The following BAG6 variants were observed in gnomAD, a reference collection of about 807,000 sequenced individuals.
The protein encoded by BAG6 is BAG cochaperone 6.
Under a neutral mutation model 121.0 loss-of-function variants are expected in BAG6, and 22 were observed. That is an observed-to-expected ratio of 0.18 (90% CI 0.13 to 0.26). The LOEUF is 0.26. Among genes scored for constraint, BAG6 ranks in the 10% least tolerant of loss-of-function variants. BAG6 has a pLI of 1.00. For synonymous variants in BAG6, 583 were observed against 584.6 expected (o/e 1.00, Z 0.04); for missense variants, 1,233 against 1,537.7 (o/e 0.80, Z 3.31).
chr6:31,646,493 C>G lies in BAG6; in HGVS notation c.819G>C (p.Val273=). 2 of 1,612,862 alleles carry G rather than the reference C, an allele frequency of 1.2e-6. No individual in the cohort carries two copies. The highest frequency in any genetic ancestry group is 1.7e-6 in the Non-Finnish European group (2 of 1,179,990). Residue 273 remains valine, a synonymous_variant, in exon 8 of 26, where the codon GTG becomes GTC. Coordinates refer to ENST00000676615, the MANE Select transcript of BAG6 (RefSeq NM_001387994.1). ...NHPSPAEYVE[V]LQELQRLESR... is the part of the protein sequence containing the mutation. ...TCTCCAGCCGCTGTAGCTCCTGGAG[C>G]ACCTCGACATACTCCGCAGGGGAAG...
chr6:31,642,362 GGGTGGAGGAGGTGGGGGT>G lies in BAG6; in HGVS notation c.2067_2084del (p.Pro693_Pro698del). 12 of 1,397,700 alleles carry G rather than the reference GGGTGGAGGAGGTGGGGGT, an allele frequency of 8.6e-6. No homozygotes were observed. Among genetic ancestry groups the G allele is most frequent in the African/African-American group, 1.4e-5 (1 of 69,668 alleles). The allele number at this position is 1,397,700 out of a possible 1,614,324, so 86.6% of individuals were successfully genotyped here. ...TCTGCTGCTCTGGGGCAGGTGGTGGGGGTGGAGGAGGTGGGGGTGGTGGAGGGGCTGTCTGTGTTGCCT... is the reference window on the plus strand; with the variant it reads ...TCTGCTGCTCTGGGGCAGGTGGTGGGGGTGGAGGGGCTGTCTGTGTTGCCT... On this transcript the variant is annotated inframe_deletion, in exon 16 of 26. Transcript: ENST00000676615.
At chr6:31,646,296 GT>G in intron 8 of BAG6, 97 bp downstream of exon 8, 1 of 1,514,018 alleles carries the variant, frequency 6.6e-7, no homozygotes. Context: ...CTGTTGCAAT[GT>G]TTTTCCAGGG....
chr6:31,639,249 T>G, intron 25 of BAG6, 23 bp from the exon 26 acceptor site: 1 of 1,602,724 alleles, frequency 6.2e-7, no homozygotes, highest in East Asian at 2.2e-5. Flanking sequence ...AGTAAGCAGG[T>G]TGGAGAAACG....
chr6:31,645,889 G>A lies in BAG6; in HGVS notation c.919-285C>T, dbSNP rs187604707. The stretch of plus-strand genomic sequence containing the variant: ...AGGGGCACAAGGGGTACGATACGAG[G>A]ACAGTGCTTACAGCAAAGATTATCA... On this transcript the variant is annotated intron_variant, in intron 8 of 25. Transcript: ENST00000676615. 2.6e-5 allele frequency among the ~76,000 whole-genome samples: 4 copies of A among 152,380 alleles called. No individual in the cohort carries two copies. In the East Asian group the frequency reaches 7.7e-4, roughly 29 times the overall value.
At position 31,647,631 on chromosome 6, in the gene BAG6, G is replaced by C. The variant is rs759950655; in HGVS notation, c.748C>G (p.Pro250Ala). The C allele has an allele frequency of 6.2e-7, 1 of 1,606,622 alleles. No individual in the cohort carries two copies. Among genetic ancestry groups the C allele is most frequent in the Non-Finnish European group, 8.5e-7 (1 of 1,177,594 alleles). Reference protein sequence around the residue: ...QNPELTPGPAPAGPTPAPETN... With the variant: ...QNPELTPGPAAAGPTPAPETN... ...TCCGGGGCAGGTGTTGGGCCCGCTG[G>C]GGCTGGGCCAGGAGTGAGCTCCGGG... The change falls in exon 7 of 26, where the codon CCA (proline) becomes GCA (alanine). Residue 250 changes from proline to alanine, a missense_variant. By Grantham distance (27) the Pro-to-Ala change is conservative. Around this residue, in one of 7 missense-constraint regions of BAG6, gnomAD observed 777 missense variants for 861.4 expected, o/e 0.90. Coordinates refer to ENST00000676615, the MANE Select transcript of BAG6 (RefSeq NM_001387994.1).
chr6:31,650,144 C>T lies in BAG6; in HGVS notation c.109-517G>A, dbSNP rs143665483. Among the ~76,000 whole-genome samples the T allele has an allele frequency of 3.2e-3, 479 of 151,788 alleles. 2 individuals carry two copies. The highest frequency in any genetic ancestry group is 9.7e-3 in the African/African-American group (400 of 41,388). On this transcript the variant is annotated intron_variant, in intron 2 of 25. Coordinates refer to ENST00000676615, the MANE Select transcript of BAG6 (RefSeq NM_001387994.1). ...ACTTAATGAAGCTCAGGTTATAGAT[C>T]CAGGAAAAATAACACGGATGAAAAA...
chr6:31,642,759 CAAG>C, intron 15 of BAG6, 67 bp downstream of exon 15: 1 of 1,561,626 alleles, frequency 6.4e-7, no homozygotes, highest in Admixed American at 1.7e-5. Context: ...TATATAATGG[CAAG>C]AAGGTACCAC....
chr6:31,641,513 G>T lies in BAG6; in HGVS notation c.2559+26C>A, dbSNP rs748160951. The T allele has an allele frequency of 6.3e-5, 101 of 1,613,976 alleles. No homozygotes were observed. The highest frequency in any genetic ancestry group is 8.2e-5 in the Non-Finnish European group (97 of 1,179,988). ...GCTGCCTTGACCAGACCCAGGAGAG[G>T]AAAGGAATAGAGAAGGGTTACTCAC... On this transcript the variant is annotated intron_variant, in intron 18 of 25. Coordinates refer to ENST00000676615, the MANE Select transcript of BAG6 (RefSeq NM_001387994.1). The surrounding 1 kb of genome is among the most constrained non-coding windows in gnomAD (Gnocchi z 5.7).
chr6:31,651,810 T>G (rs748300122), intron 1 of BAG6, 34 bp from the exon 2 acceptor site: 21 of 1,549,702 alleles, frequency 1.4e-5, no homozygotes, highest in Non-Finnish European at 1.8e-5. Context: ...GGCCCGCTGT[T>G]GCCCAGACCA....
chr6:31,652,359 A>ACACACC (rs752778693), intron 1 of BAG6, 65 bp downstream of exon 1: 53 of 137,104 alleles, frequency 3.9e-4, no homozygotes, highest in African/African-American at 6.5e-4. Flanking sequence ...ACACACACAC[A>ACACACC]CCCACCACCC....
At chr6:31,647,962 C>T (rs1290101344) in intron 6 of BAG6, 136 bp from the exon 7 acceptor site, 10 of 1,190,768 alleles carry the variant, frequency 8.4e-6, no homozygotes, top group South Asian at 2.3e-5. Flanking sequence ...ATCTCCGACT[C>T]GCTAGCAACT....
At chr6:31,649,756 G>T in intron 2 of BAG6, 129 bp from the exon 3 acceptor site, 1 of 774,342 alleles carries the variant, frequency 1.3e-6, no homozygotes, top group Non-Finnish European at 2.2e-6. Flanking sequence ...TCTTGACCGT[G>T]AGATCATTAC....
rs964129021 is a variant in BAG6 at position 31,649,126 on chromosome 6, T to C, written c.423+73A>G. 6 of 1,574,594 alleles carry C rather than the reference T, an allele frequency of 3.8e-6. No homozygotes were observed. In the Admixed American group the frequency reaches 5.1e-5, roughly 13 times the overall value. ...CCCAATCTAAAGATGGAAGCATCTATCTTATTAATTCCCTGGTGCTACCAC... is the reference window on the plus strand; with the variant it reads ...CCCAATCTAAAGATGGAAGCATCTACCTTATTAATTCCCTGGTGCTACCAC... On this transcript the variant is annotated intron_variant, in intron 4 of 25. Coordinates refer to ENST00000676615, the MANE Select transcript of BAG6 (RefSeq NM_001387994.1).
Position 31,644,670 on chromosome 6 carries a change from G to T in BAG6, c.1370-68C>A, listed in dbSNP as rs765278071. 6.7e-6 allele frequency: 10 copies of T among 1,503,650 alleles called. No individual in the cohort carries two copies. The South Asian group carries it at 8.0e-5, about 12-fold the overall frequency. The allele number at this position is 1,503,650 out of a possible 1,614,324, so 93.1% of individuals were successfully genotyped here. On this transcript the variant is annotated intron_variant, in intron 10 of 25. Transcript: ENST00000676615. This position sits in a 1 kb window ranked among gnomAD's most constrained non-coding sequence, Gnocchi z 4.9. Reference sequence around the variant, plus strand: ...CCAAGGCCTAACTATATCCTTCTGAGATCAGGCATACTTCAGGCCCATAAT... The same window carrying T: ...CCAAGGCCTAACTATATCCTTCTGATATCAGGCATACTTCAGGCCCATAAT...
intron 8 of BAG6, 130 bp downstream of exon 8, chr6:31,646,264 G>A (rs1789047558): frequency 2.9e-6 from 4 of 1,375,380 alleles, no homozygotes; most frequent in Admixed American, 2.3e-5. Flanking sequence ...GGGATTACAG[G>A]CGTGAGCCAC....
At chr6:31,639,750 G>A in intron 24 of BAG6, 104 bp from the exon 25 acceptor site, 1 of 1,305,788 alleles carries the variant, frequency 7.7e-7, no homozygotes, top group Non-Finnish European at 1.0e-6. Flanking sequence ...GAGTCTCCAT[G>A]CTAGTGGAGA....
Position 31,644,084 on chromosome 6 carries a change from G to C in BAG6, c.1666C>G (p.Leu556Val). 6.2e-7 allele frequency: 1 copy of C among 1,613,642 alleles called. No individual in the cohort carries two copies. Among genetic ancestry groups the C allele is most frequent in the Non-Finnish European group, 8.5e-7 (1 of 1,179,726 alleles). The change falls in exon 13 of 26, where the codon CTG becomes GTG. Residue 556 changes from leucine to valine, a missense_variant and splice_region_variant. This residue lies in a region of BAG6 where 777 missense variants were observed against 861.4 expected (regional missense o/e 0.90). Transcript: ENST00000676615. This position sits in a 1 kb window ranked among gnomAD's most constrained non-coding sequence, Gnocchi z 4.9. ...AGAACTCCCCGACCCTTGCTCACCA[G>C]TGTCCCAGAGACTGGGGGCCCTCCA... ...HPGGPPVSGT[L>V]QGAGLGTNAS... is the part of the protein sequence containing the mutation.
At position 31,643,047 on chromosome 6, in the gene BAG6, T is replaced by C. The variant is rs767523887; in HGVS notation, c.1825A>G (p.Asn609Asp). ...GCGGGGCCAGCTGTGGTAGCTGTGT[T>C]GGTGGTGCCAGCACTGGCAGAAGCA... is the stretch of plus-strand genomic sequence containing the variant. ...ATASASAGTTNTATTAGPAPG... is the reference protein window; with the variant it reads ...ATASASAGTTDTATTAGPAPG... Residue 609 changes from asparagine to aspartate, a missense_variant, in exon 15 of 26, where the codon AAC becomes GAC. By Grantham distance (23) the Asn-to-Asp change is conservative (BLOSUM62 1). This residue lies in a region of BAG6 where 777 missense variants were observed against 861.4 expected (regional missense o/e 0.90). Coordinates refer to ENST00000676615, the MANE Select transcript of BAG6 (RefSeq NM_001387994.1). The C allele has an allele frequency of 1.3e-6, 2 of 1,589,172 alleles. No homozygotes were observed. The highest frequency in any genetic ancestry group is 1.7e-6 in the Non-Finnish European group (2 of 1,169,862).
Position 31,643,108 on chromosome 6 carries a change from C to G in BAG6, c.1764G>C (p.Gly588=). The change falls in exon 15 of 26, where the codon GGG becomes GGC. Residue 588 remains glycine (G), a synonymous_variant. Coordinates refer to ENST00000676615, the MANE Select transcript of BAG6 (RefSeq NM_001387994.1). ...CTGGCGGTGGAGCCATACCTGGGGT[C>G]CCCTGAGCTGTAAGAAACCAAAAAA... is the stretch of plus-strand genomic sequence containing the variant. ...LLMQPVLVAQ[G]TPGMAPPPAP... 1 of 1,568,850 alleles carries G rather than the reference C, an allele frequency of 6.4e-7. No homozygotes were observed.
Sources: allele counts gnomAD v4.1 joint callset (sites outside exome capture counted in the v4.1 genomes callset), GRCh38; gene constraint gnomAD v4.1.1; regional missense constraint gnomAD v4.1.1; non-coding constraint Gnocchi (gnomAD v3.1); transcripts MANE v1.5; gene names NCBI Gene and HGNC (gene_info 2026-07-23, HGNC 2026-07-21).